Variants in MED13L observed in about 807,000 individuals in gnomAD.
MED13L encodes mediator of RNA polymerase II transcription subunit 13-like.
A neutral mutation model predicts 220.9 loss-of-function variants in MED13L; 7 were observed. That is an observed-to-expected ratio of 0.03 (90% confidence interval 0.02 to 0.06). The LOEUF (loss-of-function observed/expected upper bound fraction) is 0.06. MED13L is among the 10% of genes least tolerant of loss of function. The pLI is 1.00. For synonymous variants in MED13L, 1,011 were observed against 1,015.2 expected (o/e 1.00, Z 0.08); for missense variants, 1,965 against 2,760.5 (o/e 0.71, Z 6.46).
rs770772544 is a variant in MED13L at position 115,982,446 on chromosome 12, G to A, written c.5113C>T (p.Arg1705Cys). ...TTATCCAGCATTTCTGTGTAGCAGCGCATCAAGCTCAACAGCCAAAAGTTC... is the reference window on the plus strand; with the variant it reads ...TTATCCAGCATTTCTGTGTAGCAGCACATCAAGCTCAACAGCCAAAAGTTC... ...SGNFWLLSLMRCYTEMLDNLP... is the reference protein window; with the variant it reads ...SGNFWLLSLMCCYTEMLDNLP... Residue 1705 changes from arginine (R) to cysteine (C), a missense_variant, in exon 22 of 31, where the codon CGC (arginine) becomes TGC (cysteine). Arg to Cys is a radical substitution (Grantham distance 180, BLOSUM62 -3). This residue lies in a region of MED13L where 510 missense variants were observed against 620.4 expected (regional missense o/e 0.82). Transcript: ENST00000281928. 3.7e-6 allele frequency: 6 copies of A among 1,613,948 alleles called. No homozygotes were observed. The highest frequency in any genetic ancestry group is 1.3e-5 in the African/African-American group (1 of 74,882).
At chr12:116,078,744 C>T (rs1871010809) in intron 4 of MED13L, among the ~76,000 whole-genome samples, 1 of 152,098 alleles carries the variant, frequency 6.6e-6, no homozygotes, top group Non-Finnish European at 1.5e-5. Flanking sequence ...TGGTCCTTTA[C>T]AATAAAAGTT....
intron 4 of MED13L, among the ~76,000 whole-genome samples, chr12:116,074,836 G>C (rs930225649): frequency 2.0e-5 from 3 of 152,230 alleles, no homozygotes; most frequent in Non-Finnish European, 4.4e-5. Context: ...TAGCCCCTTA[G>C]GGCAAGTATG....
intron 4 of MED13L, among the ~76,000 whole-genome samples, chr12:116,086,760 CAAAT>C (rs986125303): frequency 5.9e-5 from 9 of 152,070 alleles, no homozygotes; most frequent in Non-Finnish European, 1.0e-4. Flanking sequence ...CACTCCACAA[CAAAT>C]AGTCATATTG....
At chr12:116,199,398 ATT>A (rs1256158250) in intron 2 of MED13L, among the ~76,000 whole-genome samples, 1 of 152,208 alleles carries the variant, frequency 6.6e-6, no homozygotes. Context: ...CGCACACTTT[ATT>A]TTTATGTCAA....
At chr12:116,125,359 T>C (rs776156558) in intron 2 of MED13L, among the ~76,000 whole-genome samples, 2 of 152,196 alleles carry the variant, frequency 1.3e-5, no homozygotes, top group Non-Finnish European at 2.9e-5. Context: ...CAAATTTTTG[T>C]AAAACAGCAA....
chr12:115,987,252 A>C lies in MED13L; in HGVS notation c.3971T>G (p.Val1324Gly). 1 of 1,613,734 alleles carries C rather than the reference A, an allele frequency of 6.2e-7. No homozygotes were observed. Among genetic ancestry groups the C allele is most frequent in the Non-Finnish European group, 8.5e-7 (1 of 1,180,008 alleles). The change falls in exon 18 of 31, where the codon GTT becomes GGT. Residue 1324 changes from valine (V) to glycine (G), a missense_variant. Transcript: ENST00000281928. ...DISMLSSQDV[V>G]RMLLSLQPFL... ...GGGCTGCAGGGACAACAGCATACGA[A>C]CCACATCCTGGGAGGAGAGCATGCT...
At chr12:116,081,997 ATGAG>A (rs1430313976) in intron 4 of MED13L, among the ~76,000 whole-genome samples, 3 of 152,254 alleles carry the variant, frequency 2.0e-5, no homozygotes, top group Non-Finnish European at 2.9e-5. Context: ...AAAAAAGTGA[ATGAG>A]TGAGTGATAT....
intron 1 of MED13L, 195 bp downstream of exon 1, chr12:116,276,865 A>C (rs1253233231): frequency 2.0e-6 from 2 of 978,960 alleles, no homozygotes; most frequent in Non-Finnish European, 3.0e-6. Context: ...TTAAAGAGCC[A>C]AATAAACACT....
intron 2 of MED13L, chr12:116,232,063 T>C: frequency 1.0e-6 from 1 of 983,492 alleles, no homozygotes; most frequent in Non-Finnish European, 1.2e-6. Flanking sequence ...TCTTACACCG[T>C]GGTCACTGTC....
chr12:116,002,875 TCA>T (rs1292985182), intron 14 of MED13L, 126 bp downstream of exon 14: 1 of 789,978 alleles, frequency 1.3e-6, no homozygotes, highest in African/African-American at 1.7e-5. Flanking sequence ...AGGTTTTAAT[TCA>T]CAGTTAGAAT....
intron 5 of MED13L, among the ~76,000 whole-genome samples, chr12:116,021,703 ATCTCTAAT>A (rs1248369629): frequency 6.6e-6 from 1 of 152,190 alleles, no homozygotes; most frequent in Non-Finnish European, 1.5e-5. Flanking sequence ...TCAACCAGTC[ATCTCTAAT>A]AATGACATAT....
At chr12:116,191,717 A>T (rs1029673337) in intron 2 of MED13L, among the ~76,000 whole-genome samples, 4 of 152,076 alleles carry the variant, frequency 2.6e-5, no homozygotes, top group African/African-American at 9.7e-5. Context: ...CCGGTGGCTC[A>T]CATCTATAAT....
chr12:116,197,049 C>T (rs1881673481), intron 2 of MED13L, among the ~76,000 whole-genome samples: 5 of 152,206 alleles, frequency 3.3e-5, no homozygotes, highest in Admixed American at 3.3e-4. Context: ...AACATCAGTT[C>T]AGTGTCTCTC....
chr12:115,996,878 C>T, intron 15 of MED13L, 132 bp downstream of exon 15: 2 of 1,100,468 alleles, frequency 1.8e-6, no homozygotes, highest in South Asian at 2.5e-5. Context: ...TGGTGTGCCT[C>T]ATGTTCTAAT....
chr12:116,211,772 T>A (rs759910958), intron 2 of MED13L, among the ~76,000 whole-genome samples: 5 of 152,176 alleles, frequency 3.3e-5, no homozygotes, highest in Non-Finnish European at 1.5e-5. Context: ...CTCTCTACAT[T>A]TGTAAAGCTG....
chr12:116,074,164 G>A (rs1385082440), intron 4 of MED13L, among the ~76,000 whole-genome samples: 1 of 152,222 alleles, frequency 6.6e-6, no homozygotes, highest in Admixed American at 6.5e-5. Context: ...GGACACCAAG[G>A]CAAGTGGATC....
intron 2 of MED13L, among the ~76,000 whole-genome samples, chr12:116,202,472 A>G (rs994579335): frequency 6.6e-6 from 1 of 152,196 alleles, no homozygotes; most frequent in African/African-American, 2.4e-5. Flanking sequence ...TCAACTTGAG[A>G]AATATAACAC....
intron 4 of MED13L, among the ~76,000 whole-genome samples, chr12:116,073,617 C>T (rs767116167): frequency 9.2e-5 from 14 of 152,084 alleles, no homozygotes; most frequent in Non-Finnish European, 1.8e-4. Flanking sequence ...AAGGAGAGAA[C>T]AGATAAAAGA....
intron 4 of MED13L, among the ~76,000 whole-genome samples, chr12:116,042,718 A>T (rs556967141): frequency 6.6e-6 from 1 of 152,340 alleles, no homozygotes; most frequent in African/African-American, 2.4e-5. Context: ...AGAGGTGAAT[A>T]AACACACATT....
Sources: gnomAD v4.1 joint callset for allele counts (sites outside exome capture counted in the v4.1 genomes callset) on GRCh38, gnomAD v4.1.1 for gene constraint, gnomAD v4.1.1 regional missense constraint, MANE v1.5 for transcripts, NCBI Gene and HGNC (gene_info 2026-07-23, HGNC 2026-07-21) for gene names.